The following GRID2 variants were observed in gnomAD, a reference collection of about 807,000 sequenced individuals.
GRID2 encodes glutamate receptor ionotropic, delta-2.
In GRID2, 33 loss-of-function variants were observed where a neutral mutation model predicts 114.8. That is an observed-to-expected ratio of 0.29 (90% CI 0.22 to 0.38). GRID2 has a LOEUF of 0.38. GRID2 is among the 10% of genes least tolerant of loss of function. The pLI, the probability that GRID2 is intolerant of heterozygous loss-of-function variation, is 1.00. For synonymous variants in GRID2, 505 were observed against 449.9 expected (o/e 1.12, Z -1.55); for missense variants, 1,184 against 1,257.7 (o/e 0.94, Z 0.89).
chr4:93,408,480 T>A (rs977404209), intron 9 of GRID2, among the ~76,000 whole-genome samples: 2 of 152,102 alleles, frequency 1.3e-5, no homozygotes, highest in African/African-American at 4.8e-5. Flanking sequence ...GCTTTTCAAT[T>A]TATTATGCAA....
intron 13 of GRID2, among the ~76,000 whole-genome samples, chr4:93,533,405 A>G (rs765268465): frequency 8.6e-5 from 12 of 140,314 alleles, no homozygotes; most frequent in Non-Finnish European, 1.4e-4. Flanking sequence ...CTTTTTTGAC[A>G]AAGTCTCACT....
chr4:93,198,809 G>A (rs1015378529), intron 4 of GRID2, among the ~76,000 whole-genome samples: 4 of 152,080 alleles, frequency 2.6e-5, no homozygotes, highest in South Asian at 2.1e-4. Context: ...GCATTTAGAC[G>A]TGATGAATAG....
At chr4:93,477,216 CT>C in intron 11 of GRID2, among the ~76,000 whole-genome samples, 1 of 152,186 alleles carries the variant, frequency 6.6e-6, no homozygotes, top group South Asian at 2.1e-4. Flanking sequence ...AAAACCTGCA[CT>C]TGTGACAATG....
In GRID2 at chr4:92,999,027, G is replaced by A. The variant is rs575862589; in HGVS notation, c.245-85968G>A. On this transcript the variant is annotated intron_variant, in intron 2 of 15. Transcript: ENST00000282020. ...TTCTTTGTGACAATATTCTTGGCTG[G>A]TCCTTATTGTATTGGTGTCTCAAAC... 9.9e-5 allele frequency among the ~76,000 whole-genome samples: 15 copies of A among 151,780 alleles called. No homozygotes were observed. The South Asian group carries it at 1.7e-3, about 17-fold the overall frequency.
At chr4:92,481,463 A>T (rs1722585717) in intron 1 of GRID2, among the ~76,000 whole-genome samples, 1 of 152,142 alleles carries the variant, frequency 6.6e-6, no homozygotes, top group Non-Finnish European at 1.5e-5. Flanking sequence ...CTGAATAAGG[A>T]GTCTTCCTCA....
chr4:92,463,922 T>TTAAA (rs1721617304), intron 1 of GRID2, among the ~76,000 whole-genome samples: 1 of 151,868 alleles, frequency 6.6e-6, no homozygotes, highest in Non-Finnish European at 1.5e-5. Flanking sequence ...CTTCCTTTTT[T>TTAAA]CCCTTTTCTT....
intron 1 of GRID2, among the ~76,000 whole-genome samples, chr4:92,460,537 A>T (rs1370975868): frequency 1.3e-5 from 2 of 152,130 alleles, no homozygotes. Context: ...GTTATTTCTG[A>T]TACTGATAGA....
chr4:93,699,408 G>A (rs964734968), intron 14 of GRID2, among the ~76,000 whole-genome samples: 7 of 152,230 alleles, frequency 4.6e-5, no homozygotes, highest in Non-Finnish European at 8.8e-5. Context: ...AGGTGAGGAC[G>A]TATTAAGACA....
intron 2 of GRID2, among the ~76,000 whole-genome samples, chr4:92,930,332 A>T (rs1750131123): frequency 1.3e-5 from 2 of 151,330 alleles, no homozygotes; most frequent in Non-Finnish European, 3.0e-5. Context: ...TTCATCTTCA[A>T]CTAAGGTTTA....
chr4:92,686,448 T>C (rs1733909916), intron 2 of GRID2, among the ~76,000 whole-genome samples: 1 of 152,134 alleles, frequency 6.6e-6, no homozygotes, highest in East Asian at 1.9e-4. Context: ...ATGTCAGGTC[T>C]ATCATGTATC....
At chr4:92,839,595 A>C (rs961826295) in intron 2 of GRID2, among the ~76,000 whole-genome samples, 1 of 151,782 alleles carries the variant, frequency 6.6e-6, no homozygotes, top group East Asian at 1.9e-4. Flanking sequence ...GTCATTCAAG[A>C]GCATATTGTT....
intron 13 of GRID2, among the ~76,000 whole-genome samples, chr4:93,580,821 T>G (rs1412356081): frequency 3.3e-5 from 4 of 120,378 alleles, no homozygotes; most frequent in Non-Finnish European, 5.1e-5. Flanking sequence ...CCCCCCCCAG[T>G]AACCCCCATA....
chr4:93,011,252 G>C (rs1207197178), intron 2 of GRID2, among the ~76,000 whole-genome samples: 8 of 151,316 alleles, frequency 5.3e-5, no homozygotes, highest in Non-Finnish European at 1.0e-4. Flanking sequence ...ATTTGTATAG[G>C]TATTGCCAAT....
intron 2 of GRID2, among the ~76,000 whole-genome samples, chr4:92,722,685 C>T (rs1030080644): frequency 3.1e-4 from 47 of 152,094 alleles, no homozygotes; most frequent in African/African-American, 5.8e-4. Flanking sequence ...CTTTAGATGA[C>T]GCCAAGTGAC....
intron 2 of GRID2, among the ~76,000 whole-genome samples, chr4:93,048,320 C>T (rs1187085883): frequency 6.6e-6 from 1 of 152,072 alleles, no homozygotes. Flanking sequence ...CAGCTCTTTT[C>T]TGCTTTATAG....
chr4:93,198,795 T>C (rs145229368), intron 4 of GRID2, among the ~76,000 whole-genome samples: 56 of 152,286 alleles, frequency 3.7e-4, no homozygotes, highest in Non-Finnish European at 7.2e-4. Context: ...AGAGCTCATA[T>C]ATTGCATTTA....
chr4:93,513,104 A>G (rs115539587), intron 12 of GRID2, among the ~76,000 whole-genome samples: 1,709 of 152,226 alleles, frequency 0.011, 42 homozygotes, highest in African/African-American at 0.039. Flanking sequence ...CAAGGGCCCA[A>G]TCTTGTACTG....
intron 2 of GRID2, among the ~76,000 whole-genome samples, chr4:92,712,219 T>C (rs1160254903): frequency 6.6e-6 from 1 of 152,250 alleles, no homozygotes; most frequent in Non-Finnish European, 1.5e-5. Flanking sequence ...TGCTAATTGG[T>C]ATATGTATTT....
chr4:92,817,504 G>A (rs1490212594), intron 2 of GRID2, among the ~76,000 whole-genome samples: 6 of 151,988 alleles, frequency 3.9e-5, no homozygotes, highest in African/African-American at 1.2e-4. Context: ...TCTCTCATAA[G>A]GCCATATCTC....
Sources: allele counts gnomAD v4.1 joint callset (sites outside exome capture counted in the v4.1 genomes callset), GRCh38; gene constraint gnomAD v4.1.1; transcripts MANE v1.5; gene names NCBI Gene and HGNC (gene_info 2026-07-23, HGNC 2026-07-21).